CLMN: variants seen among roughly 807,000 people sequenced by gnomAD.
The protein encoded by CLMN is calmin (calponin-like, transmembrane).
CLMN carries 57 observed loss-of-function variants against 92.7 expected under a neutral mutation model. The ratio of observed to expected loss-of-function variants is 0.61; its 90% CI spans 0.50 to 0.77. The LOEUF (loss-of-function observed/expected upper bound fraction) is 0.77. Ranked by LOEUF, CLMN falls within the 30% of genes least tolerant of loss-of-function variation. The probability of loss-of-function intolerance (pLI) is 0.00; values close to 1 mark genes in which losing one functional copy is unlikely to be tolerated. For synonymous variants in CLMN, 466 were observed against 470.6 expected, an observed-to-expected ratio of 0.99 and a Z score of 0.13; for missense variants, 1,158 against 1,237.5, an observed-to-expected ratio of 0.94 and a Z score of 0.96.
intron 1 of CLMN, among the ~76,000 whole-genome samples, chr14:95,304,175 A>G (rs1472757721): frequency 6.6e-6 from 1 of 152,112 alleles, no homozygotes; most frequent in Non-Finnish European, 1.5e-5. Flanking sequence ...TTGTCTCTAC[A>G]AAAAAATAAA....
chr14:95,193,358 G>T (rs1490764667), intron 12 of CLMN: 2 of 1,534,976 alleles, frequency 1.3e-6, no homozygotes, highest in African/African-American at 2.7e-5. Flanking sequence ...CCCTCTTCAT[G>T]TCTGCTCTGA....
At position 95,194,207 on chromosome 14, in the gene CLMN, C is replaced by T; in HGVS notation, c.2770-288G>A. On this transcript the variant is annotated intron_variant, in intron 11 of 12. Transcript: ENST00000298912. This position sits in a 1 kb window ranked among gnomAD's most constrained non-coding sequence, Gnocchi z 4.0. ...CTGCTACTGAGCACGTGCCACTGTCCATCGGACCTTGACTCATGTTGCACC... is the reference window on the plus strand; with the variant it reads ...CTGCTACTGAGCACGTGCCACTGTCTATCGGACCTTGACTCATGTTGCACC... 1.4e-6 allele frequency: 2 copies of T among 1,396,342 alleles called. No homozygotes were observed. Among genetic ancestry groups the T allele is most frequent in the South Asian group, 3.2e-5 (2 of 61,658 alleles). 86.5% of individuals were successfully genotyped at this position (1,396,342 alleles called of 1,614,324 possible).
chr14:95,254,683 C>T (rs558878742), intron 1 of CLMN, among the ~76,000 whole-genome samples: 9 of 152,148 alleles, frequency 5.9e-5, no homozygotes, highest in African/African-American at 1.7e-4. Context: ...TGTGACAATA[C>T]TATTCAAGAT....
intron 1 of CLMN, among the ~76,000 whole-genome samples, chr14:95,300,693 C>A (rs1901012175): frequency 6.6e-6 from 1 of 152,234 alleles, no homozygotes; most frequent in Non-Finnish European, 1.5e-5. Context: ...AAAAACACTA[C>A]CTTCTCTGAA....
At chr14:95,252,083 G>A (rs965876396) in intron 1 of CLMN, among the ~76,000 whole-genome samples, 3 of 152,198 alleles carry the variant, frequency 2.0e-5, no homozygotes, top group South Asian at 2.1e-4. Flanking sequence ...CCGTGGACTC[G>A]GGGTGGTCCT....
intron 1 of CLMN, among the ~76,000 whole-genome samples, chr14:95,312,450 C>T (rs1027871736): frequency 3.9e-5 from 6 of 152,174 alleles, no homozygotes; most frequent in Non-Finnish European, 7.3e-5. Flanking sequence ...GCTGTCATCA[C>T]GAGAAGCACC....
At chr14:95,209,984 G>A (rs1026923761) in intron 7 of CLMN, among the ~76,000 whole-genome samples, 11 of 152,224 alleles carry the variant, frequency 7.2e-5, no homozygotes, top group South Asian at 2.1e-4. Flanking sequence ...TGTTCACTGC[G>A]GTGTTGTTAT....
rs560818149 is a variant in CLMN at position 95,236,300 on chromosome 14, CG to C, written c.83-6168del. ...TGGGGGCATGTGCTCTTCAGCCAGG[CG>C]GGGGGTCTCAATGCTCCAAACCCCC... On this transcript the variant is annotated intron_variant, in intron 1 of 12. Coordinates refer to ENST00000298912, the MANE Select transcript of CLMN (RefSeq NM_024734.4). Among the ~76,000 whole-genome samples the C allele has an allele frequency of 6.0e-3, 906 of 152,262 alleles. 8 individuals are homozygous for C. The highest frequency in any genetic ancestry group is 0.021 in the African/African-American group (862 of 41,546).
chr14:95,293,936 C>T (rs1178844566), intron 1 of CLMN, among the ~76,000 whole-genome samples: 1 of 152,210 alleles, frequency 6.6e-6, no homozygotes, highest in Admixed American at 6.5e-5. Context: ...TCCTCAGTCT[C>T]TCACTTAGCG....
At chr14:95,264,330 G>A (rs764149100) in intron 1 of CLMN, among the ~76,000 whole-genome samples, 14 of 152,010 alleles carry the variant, frequency 9.2e-5, no homozygotes, top group South Asian at 2.1e-4. Flanking sequence ...CCACTGTGCC[G>A]GACCCCTGCA....
intron 1 of CLMN, among the ~76,000 whole-genome samples, chr14:95,318,451 G>A (rs777524566): frequency 9.9e-5 from 15 of 152,242 alleles, no homozygotes; most frequent in East Asian, 5.8e-4. Context: ...CACCTCTGCC[G>A]GCACTGTCCT....
intron 1 of CLMN, among the ~76,000 whole-genome samples, chr14:95,300,688 C>T (rs1901011885): frequency 6.6e-6 from 1 of 152,228 alleles, no homozygotes; most frequent in South Asian, 2.1e-4. Flanking sequence ...CACTTAAAAA[C>T]ACTACCTTCT....
intron 1 of CLMN, among the ~76,000 whole-genome samples, chr14:95,318,314 T>G (rs977019590): frequency 6.6e-6 from 1 of 152,030 alleles, no homozygotes; most frequent in Non-Finnish European, 1.5e-5. Flanking sequence ...TCAAAAGAGA[T>G]CACTTTCAAC....
chr14:95,300,104 A>G (rs1275272266), intron 1 of CLMN, among the ~76,000 whole-genome samples: 1 of 152,164 alleles, frequency 6.6e-6, no homozygotes, highest in South Asian at 2.1e-4. Context: ...GTCTCCCACT[A>G]TGGAGGTGGC....
intron 1 of CLMN, among the ~76,000 whole-genome samples, chr14:95,267,822 C>A (rs1189459356): frequency 6.6e-6 from 1 of 152,150 alleles, no homozygotes; most frequent in Non-Finnish European, 1.5e-5. Flanking sequence ...TATATACACA[C>A]AATGGAATAT....
chr14:95,234,658 G>A (rs1245981123), intron 1 of CLMN, among the ~76,000 whole-genome samples: 1 of 152,180 alleles, frequency 6.6e-6, no homozygotes, highest in African/African-American at 2.4e-5. Context: ...AGCAGAAACT[G>A]GCCAGGCCTG....
chr14:95,306,629 A>G (rs750213147), intron 1 of CLMN, among the ~76,000 whole-genome samples: 3 of 152,202 alleles, frequency 2.0e-5, no homozygotes, highest in African/African-American at 4.8e-5. Context: ...AGATGAATTA[A>G]TAAGCGCATA....
At chr14:95,283,198 G>A (rs912290575) in intron 1 of CLMN, among the ~76,000 whole-genome samples, 3 of 152,208 alleles carry the variant, frequency 2.0e-5, no homozygotes, top group East Asian at 1.9e-4. Context: ...AGTCTCATGC[G>A]ATCTGATGGG....
rs556874841 is a variant in CLMN at position 95,303,474 on chromosome 14, C to T, written c.82+16237G>A. Reference sequence around the variant, plus strand: ...AATTAGGGGCCGGGGAGGACCTTGGCGGGGAGTTCATTAGAGAACGTCCTC... The same window carrying T: ...AATTAGGGGCCGGGGAGGACCTTGGTGGGGAGTTCATTAGAGAACGTCCTC... On this transcript the variant is annotated intron_variant, in intron 1 of 12. Transcript: ENST00000298912. Among the ~76,000 whole-genome samples, 12 of 152,310 alleles carry T rather than the reference C, an allele frequency of 7.9e-5. No individual in the cohort carries two copies. The South Asian group carries it at 1.5e-3, about 18-fold the overall frequency.
Sources: allele counts gnomAD v4.1 joint callset (sites outside exome capture counted in the v4.1 genomes callset), GRCh38; gene constraint gnomAD v4.1.1; non-coding constraint Gnocchi (gnomAD v3.1); transcripts MANE v1.5; gene names NCBI Gene and HGNC (gene_info 2026-07-23, HGNC 2026-07-21).